REC114: variants seen among roughly 807,000 people sequenced by gnomAD.
REC114 encodes REC114 meiotic recombination protein, also known as meiotic recombination protein REC114.
A neutral mutation model predicts 31.3 loss-of-function variants in REC114; 27 were observed. That is an observed-to-expected ratio of 0.86 (90% CI 0.64 to 1.19). The LOEUF (loss-of-function observed/expected upper bound fraction) is 1.19, where lower values mean the gene tolerates loss of function less well. Ranked by LOEUF, REC114 falls within the 50% of genes most tolerant of loss-of-function variation. The pLI is 0.00. For missense variants in REC114, 344 were observed against 326.9 expected, an observed-to-expected ratio of 1.05 and a Z score of -0.40; for synonymous variants, 134 against 127.7, an observed-to-expected ratio of 1.05 and a Z score of -0.33.
intron 2 of REC114, among the ~76,000 whole-genome samples, chr15:73,512,042 G>A (rs1342015613): frequency 7.8e-6 from 1 of 128,130 alleles, no homozygotes; most frequent in African/African-American, 3.4e-5. Flanking sequence ...TTGACAGTGG[G>A]GTGTTAAAGT....
At chr15:73,538,752 G>C (rs745678850) in intron 2 of REC114, among the ~76,000 whole-genome samples, 1 of 152,006 alleles carries the variant, frequency 6.6e-6, no homozygotes, top group Non-Finnish European at 1.5e-5. Flanking sequence ...ACCGCACCTG[G>C]CTCAAATTCT....
intron 3 of REC114, among the ~76,000 whole-genome samples, chr15:73,546,870 T>G (rs972104033): frequency 2.7e-5 from 4 of 148,466 alleles, no homozygotes; most frequent in African/African-American, 9.9e-5. Context: ...TGCAGAAGGA[T>G]GAAACAAGAC....
chr15:73,554,657 T>G (rs1013208411), intron 4 of REC114, among the ~76,000 whole-genome samples: 2 of 152,204 alleles, frequency 1.3e-5, no homozygotes, highest in South Asian at 4.1e-4. Context: ...ATGTGGACTC[T>G]TTCCTGTTAG....
chr15:73,444,346 C>G (rs1892738297), intron 1 of REC114, among the ~76,000 whole-genome samples: 1 of 152,218 alleles, frequency 6.6e-6, no homozygotes. Flanking sequence ...AGTTAATCCT[C>G]TCACATTTTG....
chr15:73,528,506 T>C (rs1275364227), intron 2 of REC114, among the ~76,000 whole-genome samples: 1 of 152,166 alleles, frequency 6.6e-6, no homozygotes, highest in Admixed American at 6.5e-5. Flanking sequence ...ACCATGGAGA[T>C]ACAAAAACAA....
chr15:73,453,148 T>C (rs1335743643), intron 1 of REC114, among the ~76,000 whole-genome samples: 2 of 152,076 alleles, frequency 1.3e-5, no homozygotes, highest in African/African-American at 2.4e-5. Context: ...CTAATTAAAC[T>C]AAAGAGCTTC....
At chr15:73,465,991 A>G (rs1259712065) in intron 1 of REC114, among the ~76,000 whole-genome samples, 1 of 152,006 alleles carries the variant, frequency 6.6e-6, no homozygotes, top group Non-Finnish European at 1.5e-5. Flanking sequence ...AGCTGGGACT[A>G]CAGGTGCACA....
intron 1 of REC114, among the ~76,000 whole-genome samples, chr15:73,454,012 A>G (rs1324422386): frequency 6.6e-6 from 1 of 152,268 alleles, no homozygotes; most frequent in Admixed American, 6.5e-5. Flanking sequence ...ATAAATACCT[A>G]ATGTAGACCA....
intron 5 of REC114, among the ~76,000 whole-genome samples, chr15:73,558,709 A>G (rs1894514951): frequency 6.6e-6 from 1 of 152,242 alleles, no homozygotes; most frequent in Non-Finnish European, 1.5e-5. Flanking sequence ...CTACACTGCT[A>G]GTGGAATGTA....
chr15:73,538,612 G>T (rs1461306111), intron 2 of REC114, among the ~76,000 whole-genome samples: 2 of 151,256 alleles, frequency 1.3e-5, no homozygotes, highest in African/African-American at 4.9e-5. Flanking sequence ...ACCCGCCACC[G>T]CACCCAGCTA....
chr15:73,503,438 A>G (rs1328896163), intron 2 of REC114, among the ~76,000 whole-genome samples: 2 of 152,176 alleles, frequency 1.3e-5, no homozygotes, highest in African/African-American at 4.8e-5. Flanking sequence ...ATGTAACTGA[A>G]ATATTTACAG....
At chr15:73,516,715 C>A (rs1893862190) in intron 2 of REC114, among the ~76,000 whole-genome samples, 1 of 152,148 alleles carries the variant, frequency 6.6e-6, no homozygotes, top group South Asian at 2.1e-4. Context: ...GCAACCTCTG[C>A]CTCCTGGGTT....
intron 2 of REC114, among the ~76,000 whole-genome samples, chr15:73,494,412 A>T (rs915285372): frequency 6.6e-6 from 1 of 151,566 alleles, no homozygotes; most frequent in African/African-American, 2.4e-5. Context: ...GAATCATTTG[A>T]ACCTGGGAGG....
intron 1 of REC114, among the ~76,000 whole-genome samples, chr15:73,455,362 G>C (rs1484682136): frequency 6.6e-6 from 1 of 152,080 alleles, no homozygotes; most frequent in Non-Finnish European, 1.5e-5. Flanking sequence ...GGAACTTTCA[G>C]ATTCAATCTT....
intron 1 of REC114, among the ~76,000 whole-genome samples, chr15:73,459,142 A>G (rs930595882): frequency 3.9e-5 from 6 of 152,236 alleles, no homozygotes; most frequent in Non-Finnish European, 8.8e-5. Context: ...CTCACATACC[A>G]TTTAATCTTT....
chr15:73,529,164 G>C (rs1894043340), intron 2 of REC114, among the ~76,000 whole-genome samples: 1 of 150,674 alleles, frequency 6.6e-6, no homozygotes, highest in African/African-American at 2.4e-5. Context: ...TGGAGACAGA[G>C]TCTCGCTCTG....
At chr15:73,456,116 T>A (rs1892911773) in intron 1 of REC114, among the ~76,000 whole-genome samples, 1 of 152,202 alleles carries the variant, frequency 6.6e-6, no homozygotes, top group African/African-American at 2.4e-5. Context: ...TGAGCAAATG[T>A]TAGTTCCTTA....
At chr15:73,518,647 A>G (rs1231092620) in intron 2 of REC114, among the ~76,000 whole-genome samples, 1 of 152,202 alleles carries the variant, frequency 6.6e-6, no homozygotes, top group East Asian at 1.9e-4. Flanking sequence ...TCTGAATCAC[A>G]TGGGCTCTGA....
At chr15:73,552,647 T>C (rs1209016956) in intron 4 of REC114, among the ~76,000 whole-genome samples, 1 of 152,220 alleles carries the variant, frequency 6.6e-6, no homozygotes, top group Non-Finnish European at 1.5e-5. Context: ...TTTGGCAGTT[T>C]CAAATATTAT....
Sources: gnomAD v4.1 joint callset for allele counts (sites outside exome capture counted in the v4.1 genomes callset) on GRCh38, gnomAD v4.1.1 for gene constraint, MANE v1.5 for transcripts, NCBI Gene and HGNC (gene_info 2026-07-23, HGNC 2026-07-21) for gene names.